The following USO1 variants were observed in gnomAD, a reference collection of about 807,000 sequenced individuals.
The protein encoded by USO1 is USO1 vesicle transport factor.
A neutral mutation model predicts 124.5 loss-of-function variants in USO1; 57 were observed. The observed-to-expected ratio is 0.46, with a 90% CI of 0.37 to 0.57. The LOEUF is 0.57. Ranked by LOEUF, USO1 falls within the 20% of genes least tolerant of loss-of-function variation. USO1 has a pLI of 0.00. For missense variants in USO1, 900 were observed against 1,040.6 expected, an observed-to-expected ratio of 0.86 and a Z score of 1.86; for synonymous variants, 369 against 362.8, an observed-to-expected ratio of 1.02 and a Z score of -0.19.
chr4:75,731,300 G>A lies in USO1; in HGVS notation c.66+6415G>A, dbSNP rs181723976. 9.9e-5 allele frequency among the ~76,000 whole-genome samples: 15 copies of A among 152,278 alleles called. 1 individual carries two copies. The East Asian group carries it at 1.7e-3, about 18-fold the overall frequency. On this transcript the variant is annotated intron_variant, in intron 1 of 23. Transcript: ENST00000514213. ...TTCTGGGCCAGGCCTGGTGGCTCAC[G>A]CCTGTAATCCCAGCACTTTGGTAGG...
chr4:75,758,850 G>A (rs1163070701), intron 4 of USO1, among the ~76,000 whole-genome samples: 4 of 152,122 alleles, frequency 2.6e-5, no homozygotes, highest in Non-Finnish European at 5.9e-5. Context: ...TGTCAGTCAC[G>A]TGACAATACA....
intron 1 of USO1, among the ~76,000 whole-genome samples, chr4:75,747,642 C>T (rs2149149916): frequency 7.6e-6 from 1 of 132,216 alleles, no homozygotes; most frequent in African/African-American, 2.9e-5. Flanking sequence ...TGGAGTCTCG[C>T]TCTGTGGCCC....
At chr4:75,789,775 C>T (rs1282979366) in intron 10 of USO1, among the ~76,000 whole-genome samples, 1 of 151,534 alleles carries the variant, frequency 6.6e-6, no homozygotes, top group Non-Finnish European at 1.5e-5. Context: ...TATTTTAAAA[C>T]CTTTTTCTGT....
At chr4:75,739,153 A>G (rs1325876746) in intron 1 of USO1, among the ~76,000 whole-genome samples, 1 of 152,114 alleles carries the variant, frequency 6.6e-6, no homozygotes, top group Non-Finnish European at 1.5e-5. Context: ...AGCCCAGCCA[A>G]GTTTTTTTAA....
Position 75,787,111 on chromosome 4 carries a change from G to A in USO1, c.905G>A (p.Ser302Asn). 6.2e-7 allele frequency: 1 copy of A among 1,607,544 alleles called. No homozygotes were observed. The highest frequency in any genetic ancestry group is 1.3e-5 in the African/African-American group (1 of 74,424). Reference sequence around the variant, plus strand: ...ACCAACCCTCCTGGTGCTACCAGTAGCTGCCAGAAGGCTATGTTCCAGTGT... The same window carrying A: ...ACCAACCCTCCTGGTGCTACCAGTAACTGCCAGAAGGCTATGTTCCAGTGT... ...SPTNPPGATSSCQKAMFQCGL... is the reference protein window; with the variant it reads ...SPTNPPGATSNCQKAMFQCGL... The change falls in exon 10 of 24, where the codon AGC becomes AAC. Residue 302 changes from serine (S) to asparagine (N), a missense_variant. This residue lies in a region of USO1 where 538 missense variants were observed against 681.6 expected (regional missense o/e 0.79). Coordinates refer to ENST00000514213, the MANE Select transcript of USO1 (RefSeq NM_003715.4).
chr4:75,726,675 C>CTG (rs1455543975), intron 1 of USO1, among the ~76,000 whole-genome samples: 2 of 152,210 alleles, frequency 1.3e-5, no homozygotes, highest in Non-Finnish European at 2.9e-5. Flanking sequence ...CTGTCTCTCA[C>CTG]TGTAACACAC....
chr4:75,751,423 G>C (rs1175843879), intron 1 of USO1, among the ~76,000 whole-genome samples: 1 of 148,966 alleles, frequency 6.7e-6, no homozygotes, highest in Non-Finnish European at 1.5e-5. Flanking sequence ...TATTGGCCAA[G>C]CTCATCTAGA....
chr4:75,761,438 CAAAA>C (rs1721604833), intron 4 of USO1, among the ~76,000 whole-genome samples: 1 of 152,008 alleles, frequency 6.6e-6, no homozygotes, highest in African/African-American at 2.4e-5. Flanking sequence ...AACAAACAAA[CAAAA>C]ATCTATAAAA....
At chr4:75,776,439 T>C (rs1488489004) in intron 8 of USO1, among the ~76,000 whole-genome samples, 1 of 152,140 alleles carries the variant, frequency 6.6e-6, no homozygotes, top group East Asian at 1.9e-4. Flanking sequence ...AAATGCAAAC[T>C]ATTGTAAAAT....
chr4:75,771,069 T>C lies in USO1; in HGVS notation c.500-13T>C. ...TGGTCTGCCAGCATTTTTCACATGGTTGTATGTTCTAGGTGTTTCAAGATT... is the reference window on the plus strand; with the variant it reads ...TGGTCTGCCAGCATTTTTCACATGGCTGTATGTTCTAGGTGTTTCAAGATT... On this transcript the variant is annotated splice_polypyrimidine_tract_variant and intron_variant, in intron 6 of 23. Coordinates refer to ENST00000514213, the MANE Select transcript of USO1 (RefSeq NM_003715.4). The C allele has an allele frequency of 1.2e-6, 2 of 1,609,786 alleles. No homozygotes were observed. The highest frequency in any genetic ancestry group is 1.7e-6 in the Non-Finnish European group (2 of 1,178,872).
intron 1 of USO1, among the ~76,000 whole-genome samples, chr4:75,732,815 G>A (rs1268034691): frequency 7.3e-6 from 1 of 137,818 alleles, no homozygotes; most frequent in East Asian, 2.3e-4. Context: ...GGAGTTGGAG[G>A]TTGCAGTGAG....
At chr4:75,741,153 C>G (rs1720948195) in intron 1 of USO1, among the ~76,000 whole-genome samples, 1 of 152,144 alleles carries the variant, frequency 6.6e-6, no homozygotes, top group Admixed American at 6.6e-5. Flanking sequence ...TAAACCTGTA[C>G]AGCGTGTTAC....
At chr4:75,765,438 G>A (rs1488173482) in intron 4 of USO1, among the ~76,000 whole-genome samples, 4 of 152,152 alleles carry the variant, frequency 2.6e-5, no homozygotes, top group African/African-American at 4.8e-5. Context: ...TATTGGGTAT[G>A]TAACATTTAC....
chr4:75,793,600 C>A, intron 12 of USO1, 90 bp from the exon 13 acceptor site: 2 of 1,460,556 alleles, frequency 1.4e-6, no homozygotes, highest in Non-Finnish European at 1.8e-6. Flanking sequence ...GTATTTCACA[C>A]TATTTTATGT....
At chr4:75,792,673 G>C (rs1036065156) in intron 12 of USO1, among the ~76,000 whole-genome samples, 3 of 151,852 alleles carry the variant, frequency 2.0e-5, no homozygotes, top group African/African-American at 7.3e-5. Flanking sequence ...CTCCAGTCTG[G>C]GCAAACAGTG....
chr4:75,741,481 CT>C (rs989931721), intron 1 of USO1, among the ~76,000 whole-genome samples: 15 of 151,500 alleles, frequency 9.9e-5, no homozygotes, highest in African/African-American at 3.4e-4. Flanking sequence ...AAGTTTTAAA[CT>C]TTTTTTAAAG....
chr4:75,789,179 T>C (rs1447585904), intron 10 of USO1, among the ~76,000 whole-genome samples: 1 of 152,252 alleles, frequency 6.6e-6, no homozygotes, highest in Non-Finnish European at 1.5e-5. Context: ...TCCCCAGTTA[T>C]TATCATCATT....
intron 1 of USO1, 64 bp downstream of exon 1, chr4:75,724,949 C>T: frequency 1.3e-6 from 2 of 1,577,652 alleles, no homozygotes; most frequent in East Asian, 2.3e-5. Flanking sequence ...ACGGAGCACT[C>T]GGAGACCCGA....
At chr4:75,793,525 T>G (rs189564307) in intron 12 of USO1, among the ~76,000 whole-genome samples, 165 bp from the exon 13 acceptor site, 1 of 152,340 alleles carries the variant, frequency 6.6e-6, no homozygotes, top group Admixed American at 6.5e-5. Flanking sequence ...AAAAGCAGAC[T>G]TTTATCATTT....
Sources: gnomAD v4.1 joint callset for allele counts (sites outside exome capture counted in the v4.1 genomes callset) on GRCh38, gnomAD v4.1.1 for gene constraint, gnomAD v4.1.1 regional missense constraint, MANE v1.5 for transcripts, NCBI Gene and HGNC (gene_info 2026-07-23, HGNC 2026-07-21) for gene names.